Variants in PCDH8 observed in about 807,000 individuals in gnomAD.
PCDH8 encodes protocadherin 8.
Under a neutral mutation model 58.2 loss-of-function variants are expected in PCDH8, and 36 were observed. The ratio of observed to expected loss-of-function variants is 0.62; its 90% CI spans 0.47 to 0.82. The LOEUF (loss-of-function observed/expected upper bound fraction) is 0.82. PCDH8 is among the 40% of genes least tolerant of loss of function. PCDH8 has a pLI of 0.00. For synonymous variants in PCDH8, 775 were observed against 728.9 expected (o/e 1.06, Z -1.02); for missense variants, 1,493 against 1,567.8 (o/e 0.95, Z 0.81).
chr13:52,848,578 AGCGGGCTCT>A lies in PCDH8; in HGVS notation c.-151_-143del. 7.1e-7 allele frequency: 1 copy of A among 1,411,708 alleles called. No individual in the cohort carries two copies. The highest frequency in any genetic ancestry group is 1.4e-5 in the African/African-American group (1 of 69,296). The allele number at this position is 1,411,708 out of a possible 1,614,324, so 87.4% of individuals were successfully genotyped here. A position where few individuals can be genotyped will look rare whatever the true frequency, so the allele number is the denominator to read the frequency against. ...CTGCGGGTAGCAGCTCCGAGCCTCC[AGCGGGCTCT>A]GAGGACGCGCGGACCCGCCCTCACT... is the stretch of plus-strand genomic sequence containing the variant. On this transcript the variant is annotated 5_prime_UTR_variant, in exon 1 of 3. Transcript: ENST00000377942.
In PCDH8 at chr13:52,844,789, C is replaced by A; in HGVS notation, c.2984G>T (p.Arg995Leu). The change falls in exon 3 of 3, where the codon CGG becomes CTG. Residue 995 changes from arginine to leucine, a missense_variant. Physicochemically the swap from Arg to Leu is moderately radical, Grantham distance 102. This residue lies in a region of PCDH8 where 182 missense variants were observed against 178.9 expected (regional missense o/e 1.02). Coordinates refer to ENST00000377942, the MANE Select transcript of PCDH8 (RefSeq NM_002590.4). ...STFCKSTSLP[R>L]DPLRRDNYYQ... ...GTAATTGTCCCTGCGCAGAGGATCC[C>A]GAGGCAGTGACGTGCTCTTACAGAA... 1 of 1,613,174 alleles carries A rather than the reference C, an allele frequency of 6.2e-7. No homozygotes were observed. The highest frequency in any genetic ancestry group is 8.5e-7 in the Non-Finnish European group (1 of 1,179,528).
chr13:52,846,256 C>A lies in PCDH8; in HGVS notation c.2181G>T (p.Pro727=). Reference sequence around the variant, plus strand: ...GAGAGCCAGGCGGGCGGGAACGCTCCGGGCTTCCTGCACTGGCAGGCGCAG... The same window carrying A: ...GAGAGCCAGGCGGGCGGGAACGCTCAGGGCTTCCTGCACTGGCAGGCGCAG... The part of the protein sequence containing the change: ...GPAAPASAGS[P]ERSRPPGSRL... The change falls in exon 1 of 3, where the codon CCG becomes CCT. Residue 727 remains proline, a synonymous_variant. Coordinates refer to ENST00000377942, the MANE Select transcript of PCDH8 (RefSeq NM_002590.4). 1 of 1,583,676 alleles carries A rather than the reference C, an allele frequency of 6.3e-7. No individual in the cohort carries two copies. Among genetic ancestry groups the A allele is most frequent in the South Asian group, 1.1e-5 (1 of 88,604 alleles).
At position 52,844,952 on chromosome 13, in the gene PCDH8, G is replaced by T. The variant is rs1347266851; in HGVS notation, c.2840-19C>A. ...CACAGTCCTAATACGAAAGGGAAAA[G>T]GAAACAGCATGACGATTATTCCTGA... On this transcript the variant is annotated intron_variant, in intron 2 of 2. Transcript: ENST00000377942. 2 of 1,509,780 alleles carry T rather than the reference G, an allele frequency of 1.3e-6. No homozygotes were observed. Among genetic ancestry groups the T allele is most frequent in the South Asian group, 2.7e-5 (2 of 74,212 alleles). The allele number at this position is 1,509,780 out of a possible 1,614,324, so 93.5% of individuals were successfully genotyped here.
At position 52,848,208 on chromosome 13, in the gene PCDH8, G is replaced by T; in HGVS notation, c.229C>A (p.Arg77Ser). 6.2e-7 allele frequency: 1 copy of T among 1,612,864 alleles called. No homozygotes were observed. The part of the protein sequence containing the change: ...KQFNSSLLRV[R>S]EGDGQLTVGD... ...ACGGTCAGCTGCCCGTCGCCTTCGCGCACCCGGAGCAGAGAGCTGTTGAAT... is the reference window on the plus strand; with the variant it reads ...ACGGTCAGCTGCCCGTCGCCTTCGCTCACCCGGAGCAGAGAGCTGTTGAAT... Residue 77 changes from arginine (R) to serine (S), a missense_variant, in exon 1 of 3, where the codon CGC becomes AGC. Physicochemically the swap from Arg to Ser is moderately radical, Grantham distance 110 (BLOSUM62 -1). Transcript: ENST00000377942.
In PCDH8 at chr13:52,847,309, G is replaced by C. The variant is rs780527814; in HGVS notation, c.1128C>G (p.Ala376=). Residue 376 remains alanine, a synonymous_variant, in exon 1 of 3, where the codon GCC becomes GCG. Coordinates refer to ENST00000377942, the MANE Select transcript of PCDH8 (RefSeq NM_002590.4). ...TAGCGTCCGCTCCCCCGAGTGCAGC[G>C]GCGGCGGCGGCAGCGGCGAAGGGTG... The part of the protein sequence containing the change: ...ATSPFAAAAA[A]AALGGADASS... 7.3e-7 allele frequency: 1 copy of C among 1,375,634 alleles called. No homozygotes were observed. Among genetic ancestry groups the C allele is most frequent in the East Asian group, 3.0e-5 (1 of 33,606 alleles). The allele number at this position is 1,375,634 out of a possible 1,614,324, so 85.2% of individuals were successfully genotyped here. A position where few individuals can be genotyped will look rare whatever the true frequency, so the allele number is the denominator to read the frequency against.
rs1171333905 is a variant in PCDH8 at position 52,847,505 on chromosome 13, G to A, written c.932C>T (p.Pro311Leu). ...GGTGTCCTGACGCTCGTAGTCCACG[G>A]GCCCGGCCAGGGTGAGGCGGCCTGA... ...PRSGRLTLAG[P>L]VDYERQDTYE... Residue 311 changes from proline to leucine, a missense_variant, in exon 1 of 3, where the codon CCC becomes CTC. Transcript: ENST00000377942. 2.5e-6 allele frequency: 4 copies of A among 1,587,420 alleles called. No homozygotes were observed. Among genetic ancestry groups the A allele is most frequent in the Non-Finnish European group, 3.4e-6 (4 of 1,173,424 alleles).
chr13:52,845,565 G>C lies in PCDH8; in HGVS notation c.2699C>G (p.Ser900Cys). The stretch of plus-strand genomic sequence containing the variant: ...TTCTCTGCCAGAAATGGTGTTGAAG[G>C]AGTGTCCTTTCCACACCGCCACAGG... Reference protein sequence around the residue: ...APPVAVWKGHSFNTISGREAE... With the variant: ...APPVAVWKGHCFNTISGREAE... Residue 900 changes from serine to cysteine, a missense_variant, in exon 2 of 3, where the codon TCC becomes TGC. This residue lies in a region of PCDH8 where 1,307 missense variants were observed against 1,362.7 expected (regional missense o/e 0.96). Transcript: ENST00000377942. 1 of 1,614,184 alleles carries C rather than the reference G, an allele frequency of 6.2e-7. No individual in the cohort carries two copies. Among genetic ancestry groups the C allele is most frequent in the Non-Finnish European group, 8.5e-7 (1 of 1,180,038 alleles).
Position 52,845,615 on chromosome 13 carries a change from C to G in PCDH8, c.2649G>C (p.Pro883=), listed in dbSNP as rs1965716569. 6.2e-7 allele frequency: 1 copy of G among 1,613,854 alleles called. No homozygotes were observed. The highest frequency in any genetic ancestry group is 8.5e-7 in the Non-Finnish European group (1 of 1,180,032). The stretch of plus-strand genomic sequence containing the variant: ...GGGGCGCCGGCTCCTTTCCAAAACC[C>G]GGGGAGGCACCGTAGGGCTGCAGCA... ...GAHAEPYGAS[P]GFGKEPAPPV... The change falls in exon 2 of 3, where the codon CCG becomes CCC. Residue 883 remains proline, a synonymous_variant. Coordinates refer to ENST00000377942, the MANE Select transcript of PCDH8 (RefSeq NM_002590.4).
rs1328907888 is a variant in PCDH8, at chr13:52,847,261, C to T, written c.1176G>A (p.Thr392=). 1.8e-5 allele frequency: 25 copies of T among 1,376,234 alleles called. No homozygotes were observed. The highest frequency in any genetic ancestry group is 2.3e-5 in the Non-Finnish European group (25 of 1,071,410). The allele number at this position is 1,376,234 out of a possible 1,614,324, so 85.3% of individuals were successfully genotyped here. A position where few individuals can be genotyped will look rare whatever the true frequency, so the allele number is the denominator to read the frequency against. The part of the protein sequence containing the change: ...ADASSPAGAG[T]PEAGATSLVP... ...CCAGCGAAGTGGCACCAGCCTCCGG[C>T]GTCCCGGCTCCCGCCGGCGAGCTAG... The change falls in exon 1 of 3, where the codon ACG becomes ACA. Residue 392 remains threonine (T), a synonymous_variant. Coordinates refer to ENST00000377942, the MANE Select transcript of PCDH8 (RefSeq NM_002590.4).
rs1171287433 is a variant in PCDH8 at position 52,846,304 on chromosome 13, T to C, written c.2133A>G (p.Thr711=). The C allele has an allele frequency of 6.4e-7, 1 of 1,573,550 alleles. No homozygotes were observed. The highest frequency in any genetic ancestry group is 8.6e-7 in the Non-Finnish European group (1 of 1,163,258). ...CAGCCGGCCCACGCCCGCCCCCTGC[T>C]GTTACCACGAAGCTGACAGTTGCGG... The part of the protein sequence containing the change: ...TTTATVSFVV[T]AGGGRGPAAP... The change falls in exon 1 of 3, where the codon ACA becomes ACG. Residue 711 remains threonine, a synonymous_variant. Coordinates refer to ENST00000377942, the MANE Select transcript of PCDH8 (RefSeq NM_002590.4).
chr13:52,848,253 T>C lies in PCDH8; in HGVS notation c.184A>G (p.Ser62Gly), dbSNP rs1333860055. Residue 62 changes from serine to glycine, a missense_variant, in exon 1 of 3, where the codon AGC becomes GGC. This residue lies in a region of PCDH8 where 1,307 missense variants were observed against 1,362.7 expected (regional missense o/e 0.96). Coordinates refer to ENST00000377942, the MANE Select transcript of PCDH8 (RefSeq NM_002590.4). ...DLHMKVSGDT[S>G]FRLMKQFNSS... is the part of the protein sequence containing the mutation. ...TTGAATTGCTTCATCAGGCGGAAGCTTGTGTCACCCGATACTTTCATATGC... is the reference window on the plus strand; with the variant it reads ...TTGAATTGCTTCATCAGGCGGAAGCCTGTGTCACCCGATACTTTCATATGC... 1 of 1,613,574 alleles carries C rather than the reference T, an allele frequency of 6.2e-7. No individual in the cohort carries two copies. Among genetic ancestry groups the C allele is most frequent in the Non-Finnish European group, 8.5e-7 (1 of 1,180,030 alleles).
chr13:52,846,319 G>T lies in PCDH8; in HGVS notation c.2118C>A (p.Val706=), dbSNP rs780240715. 1.2e-5 allele frequency: 19 copies of T among 1,569,780 alleles called. No homozygotes were observed. The South Asian group carries it at 2.1e-4, about 17-fold the overall frequency. The change falls in exon 1 of 3, where the codon GTC becomes GTA. Residue 706 remains valine (V), a synonymous_variant. Coordinates refer to ENST00000377942, the MANE Select transcript of PCDH8 (RefSeq NM_002590.4). Reference sequence around the variant, plus strand: ...CGCCCCCTGCTGTTACCACGAAGCTGACAGTTGCGGTGGTGGTGAGCGGGG... The same window carrying T: ...CGCCCCCTGCTGTTACCACGAAGCTTACAGTTGCGGTGGTGGTGAGCGGGG... ...GRPPLTTTAT[V]SFVVTAGGGR...
chr13:52,846,526 C>T lies in PCDH8; in HGVS notation c.1911G>A (p.Gln637=), dbSNP rs1257213410. 2 of 1,598,054 alleles carry T rather than the reference C, an allele frequency of 1.3e-6. No individual in the cohort carries two copies. The highest frequency in any genetic ancestry group is 1.3e-5 in the African/African-American group (1 of 74,974). The change falls in exon 1 of 3, where the codon CAG becomes CAA. Residue 637 remains glutamine (Q), a synonymous_variant. Transcript: ENST00000377942. The stretch of plus-strand genomic sequence containing the variant: ...TGGCTCCCTCGTCTGCATCCCGGGC[C>T]TGCACACGGGCCACAACCGTGTCCT... ...TAKDTVVARV[Q]ARDADEGANG... is the part of the protein sequence containing the mutation.
rs945105819 is a variant in PCDH8, at chr13:52,844,850, G to A, written c.2923C>T (p.His975Tyr). The A allele has an allele frequency of 1.2e-6, 2 of 1,606,770 alleles. No homozygotes were observed. Among genetic ancestry groups the A allele is most frequent in the Non-Finnish European group, 1.7e-6 (2 of 1,176,150 alleles). ...TGGGCTGGTGGGTGAGGCGATGGAT[G>A]TGCGTTGGGCCCGCTGCAGGATGGG... ...WSPSCSGPNA[H>Y]PSPHPPAQMS... The change falls in exon 3 of 3, where the codon CAT becomes TAT. Residue 975 changes from histidine (H) to tyrosine (Y), a missense_variant. By Grantham distance (83) the His-to-Tyr change is moderately conservative (BLOSUM62 2). Coordinates refer to ENST00000377942, the MANE Select transcript of PCDH8 (RefSeq NM_002590.4).
At chr13:52,845,735 C>T in intron 1 of PCDH8, 71 bp downstream of exon 1, 1 of 1,514,272 alleles carries the variant, frequency 6.6e-7, no homozygotes, top group Non-Finnish European at 8.8e-7. Flanking sequence ...CCACCCTACC[C>T]CTCCAGTCTC....
chr13:52,845,738 C>T (rs1241551389), intron 1 of PCDH8, 68 bp downstream of exon 1: 3 of 1,514,892 alleles, frequency 2.0e-6, no homozygotes, highest in East Asian at 4.9e-5. Flanking sequence ...CCCTACCCCT[C>T]CAGTCTCCCT....
In PCDH8 at chr13:52,844,792, G is replaced by A. The variant is rs1434488910; in HGVS notation, c.2981C>T (p.Pro994Leu). Residue 994 changes from proline (P) to leucine (L), a missense_variant, in exon 3 of 3, where the codon CCT becomes CTT. Coordinates refer to ENST00000377942, the MANE Select transcript of PCDH8 (RefSeq NM_002590.4). ...MSTFCKSTSLPRDPLRRDNYY... is the reference protein window; with the variant it reads ...MSTFCKSTSLLRDPLRRDNYY... The stretch of plus-strand genomic sequence containing the variant: ...ATTGTCCCTGCGCAGAGGATCCCGA[G>A]GCAGTGACGTGCTCTTACAGAAGGT... The A allele has an allele frequency of 9.9e-6, 16 of 1,613,266 alleles. No homozygotes were observed. The Admixed American group carries it at 2.7e-4, about 27-fold the overall frequency.
At position 52,848,397 on chromosome 13, in the gene PCDH8, G is replaced by A; in HGVS notation, c.40C>T (p.Pro14Ser). 1.2e-6 allele frequency: 2 copies of A among 1,610,518 alleles called. No individual in the cohort carries two copies. The highest frequency in any genetic ancestry group is 8.5e-7 in the Non-Finnish European group (1 of 1,179,744). ...VRRWGSPCLF[P>S]LQLFSLCWVL... ...CAGCAGAGGCTGAAGAGCTGCAAGG[G>A]GAAAAGGCAGGGGCTGCCCCAACGC... Residue 14 changes from proline to serine, a missense_variant, in exon 1 of 3, where the codon CCC (proline) becomes TCC (serine). This residue lies in a region of PCDH8 where 1,307 missense variants were observed against 1,362.7 expected (regional missense o/e 0.96). Transcript: ENST00000377942.
chr13:52,846,257 G>A lies in PCDH8; in HGVS notation c.2180C>T (p.Pro727Leu), dbSNP rs770040619. ...AGAGCCAGGCGGGCGGGAACGCTCC[G>A]GGCTTCCTGCACTGGCAGGCGCAGC... ...GPAAPASAGS[P>L]ERSRPPGSRL... Residue 727 changes from proline to leucine, a missense_variant, in exon 1 of 3, where the codon CCG becomes CTG. Around this residue, in one of 3 missense-constraint regions of PCDH8, gnomAD observed 1,307 missense variants for 1,362.7 expected, o/e 0.96. Coordinates refer to ENST00000377942, the MANE Select transcript of PCDH8 (RefSeq NM_002590.4). The A allele has an allele frequency of 5.1e-6, 8 of 1,583,228 alleles. No homozygotes were observed. In the Admixed American group the frequency reaches 5.2e-5, roughly 10 times the overall value.
Sources: gnomAD v4.1 joint callset for allele counts on GRCh38, gnomAD v4.1.1 for gene constraint, gnomAD v4.1.1 regional missense constraint, MANE v1.5 for transcripts, NCBI Gene and HGNC (gene_info 2026-07-23, HGNC 2026-07-21) for gene names.